The following GPR17 variants were observed in gnomAD, a reference collection of about 807,000 sequenced individuals.
GPR17 encodes uracil nucleotide/cysteinyl leukotriene receptor.
Under a neutral mutation model 1.5 loss-of-function variants are expected in GPR17, and 4 were observed. The ratio of observed to expected loss-of-function variants is 2.73; its 90% CI spans 1.35 to 6.25. The LOEUF is 6.25. Among genes scored for constraint, GPR17 ranks in the 30% most tolerant of loss-of-function variants. The probability of loss-of-function intolerance (pLI) is 0.00; values close to 1 mark genes in which losing one functional copy is unlikely to be tolerated. For missense variants in GPR17, 463 were observed against 462.1 expected, an observed-to-expected ratio of 1.00 and a Z score of -0.02; for synonymous variants, 209 against 207.6, an observed-to-expected ratio of 1.01 and a Z score of -0.06.
Position 127,651,228 on chromosome 2 carries a change from C to T in GPR17, c.493C>T (p.Pro165Ser). 1 of 1,607,984 alleles carries T rather than the reference C, an allele frequency of 6.2e-7. No individual in the cohort carries two copies. The highest frequency in any genetic ancestry group is 8.5e-7 in the Non-Finnish European group (1 of 1,179,386). Reference protein sequence around the residue: ...LWVVVAVAMAPLLVSPQTVQT... With the variant: ...LWVVVAVAMASLLVSPQTVQT... ...GGTGGTGGTGGCTGTGGCCATGGCC[C>T]CGCTGCTGGTGAGCCCACAGACCGT... Residue 165 changes from proline to serine, a missense_variant, in exon 2 of 2, where the codon CCG becomes TCG. Pro to Ser is a moderately conservative substitution (Grantham distance 74). Transcript: ENST00000486700.
chr2:127,649,078 G>GAAAAGAAA (rs201484540), intron 1 of GPR17, among the ~76,000 whole-genome samples: 19,669 of 107,826 alleles, frequency 0.18, 1,875 homozygotes, highest in South Asian at 0.26. Flanking sequence ...GAAGGAAAAA[G>GAAAAGAAA]AAAAGAAAAA....
Position 127,647,964 on chromosome 2 carries a change from GC to G in GPR17, c.-21+1725del, listed in dbSNP as rs1162443139. On this transcript the variant is annotated intron_variant, in intron 1 of 1. Coordinates refer to ENST00000486700, the MANE Select transcript of GPR17 (RefSeq NM_001161417.2). The surrounding 1 kb of genome is among the most constrained non-coding windows in gnomAD (Gnocchi z 4.3). ...TCCCTCCTTTTACCTCTCCTCCACA[GC>G]CCCCTTCACAGCCCTCAGCCCTTCC... 1 of 945,338 alleles carries G rather than the reference GC, an allele frequency of 1.1e-6. No individual in the cohort carries two copies. The highest frequency in any genetic ancestry group is 1.3e-6 in the Non-Finnish European group (1 of 793,472). 58.6% of individuals were successfully genotyped at this position (945,338 alleles called of 1,614,324 possible).
rs1033829419 is a variant in GPR17 at position 127,647,016 on chromosome 2, C to T, written c.-21+772C>T. On this transcript the variant is annotated intron_variant, in intron 1 of 1. Transcript: ENST00000486700. This position sits in a 1 kb window ranked among gnomAD's most constrained non-coding sequence, Gnocchi z 4.3. ...AGAGAGCGAGGGGCACGCCCTTCGG[C>T]CCGGGCAGGAAGTGGAGGGCAGTGC... Among the ~76,000 whole-genome samples the T allele has an allele frequency of 3.3e-5, 5 of 152,118 alleles. No individual in the cohort carries two copies. The highest frequency in any genetic ancestry group is 1.2e-4 in the African/African-American group (5 of 41,422).
chr2:127,650,192 A>C, intron 1 of GPR17: 1 of 911,468 alleles, frequency 1.1e-6, no homozygotes, highest in Non-Finnish European at 1.7e-6. Flanking sequence ...AAGCGGTGAC[A>C]CCCCGGCCAC....
chr2:127,650,757 C>G lies in GPR17; in HGVS notation c.22C>G (p.Pro8Ala), dbSNP rs1258110865. 1 of 1,612,486 alleles carries G rather than the reference C, an allele frequency of 6.2e-7. No homozygotes were observed. The highest frequency in any genetic ancestry group is 1.1e-5 in the South Asian group (1 of 91,036). Residue 8 changes from proline to alanine, a missense_variant, in exon 2 of 2, where the codon CCC becomes GCC. Coordinates refer to ENST00000486700, the MANE Select transcript of GPR17 (RefSeq NM_001161417.2). MNGLEVA[P>A]PGLITNFSLA... ...AAGCATGAATGGCCTTGAAGTGGCTCCCCCAGGTCTGATCACCAACTTCTC... is the reference window on the plus strand; with the variant it reads ...AAGCATGAATGGCCTTGAAGTGGCTGCCCCAGGTCTGATCACCAACTTCTC...
rs1683119250 is a variant in GPR17, at chr2:127,647,482, C to T, written c.-21+1238C>T. On this transcript the variant is annotated intron_variant, in intron 1 of 1. Coordinates refer to ENST00000486700, the MANE Select transcript of GPR17 (RefSeq NM_001161417.2). This position sits in a 1 kb window ranked among gnomAD's most constrained non-coding sequence, Gnocchi z 4.3. ...TGAGCCAGCACAGGCAGGCCCCCAC[C>T]ATGCCAGGCAGAGTGGTCAGTCGTA... Among the ~76,000 whole-genome samples the T allele has an allele frequency of 6.6e-6, 1 of 152,196 alleles. No individual in the cohort carries two copies. Among genetic ancestry groups the T allele is most frequent in the Admixed American group, 6.5e-5 (1 of 15,286 alleles).
chr2:127,650,081 T>C, intron 1 of GPR17: 1 of 1,600,708 alleles, frequency 6.2e-7, no homozygotes, highest in Non-Finnish European at 8.5e-7. Flanking sequence ...CTCAGGTGGG[T>C]AAAAAGAGTA....
chr2:127,651,318 G>C lies in GPR17; in HGVS notation c.583G>C (p.Val195Leu). The C allele has an allele frequency of 6.2e-7, 1 of 1,610,394 alleles. No individual in the cohort carries two copies. The highest frequency in any genetic ancestry group is 8.5e-7 in the Non-Finnish European group (1 of 1,180,018). Residue 195 changes from valine to leucine, a missense_variant, in exon 2 of 2, where the codon GTG becomes CTG. Val to Leu is a conservative substitution (Grantham distance 32). Transcript: ENST00000486700. The stretch of plus-strand genomic sequence containing the variant: ...GGAGAAGGCCTCCCACCATGCCCTG[G>C]TGTCCCTGGCAGTGGCCTTCACCTT... ...YREKASHHAL[V>L]SLAVAFTFPF...
In GPR17 at chr2:127,652,038, C is replaced by A; in HGVS notation, c.*283C>A. 2.1e-6 allele frequency: 1 copy of A among 470,552 alleles called. No individual in the cohort carries two copies. The highest frequency in any genetic ancestry group is 3.9e-6 in the Non-Finnish European group (1 of 256,670). 29.1% of individuals were successfully genotyped at this position (470,552 alleles called of 1,614,324 possible). ...AGAGAGGAGGCCGGAAGAACAACCC[C>A]TGAACAATGGAGGCCTTTCTTTCCC... On this transcript the variant is annotated 3_prime_UTR_variant, in exon 2 of 2. Transcript: ENST00000486700.
chr2:127,649,653 A>C (rs1459502892), intron 1 of GPR17, among the ~76,000 whole-genome samples: 1 of 152,168 alleles, frequency 6.6e-6, no homozygotes, highest in Non-Finnish European at 1.5e-5. Flanking sequence ...TCCTTCTTCA[A>C]TCTTCTGAGT....
intron 1 of GPR17, chr2:127,649,828 G>A (rs1573788244): frequency 1.7e-6 from 1 of 597,034 alleles, no homozygotes; most frequent in Admixed American, 3.0e-5. Flanking sequence ...GGCCTCTCTG[G>A]GGCTGCAGAT....
chr2:127,651,052 T>A lies in GPR17; in HGVS notation c.317T>A (p.Leu106His). 1 of 1,613,752 alleles carries A rather than the reference T, an allele frequency of 6.2e-7. No individual in the cohort carries two copies. Among genetic ancestry groups the A allele is most frequent in the Non-Finnish European group, 8.5e-7 (1 of 1,180,036 alleles). ...CCATTTGGGGAAATCGCATGCCGTC[T>A]CACCGGCTTCCTCTTCTACCTCAAC... ...HWPFGEIACR[L>H]TGFLFYLNMY... is the part of the protein sequence containing the mutation. The change falls in exon 2 of 2, where the codon CTC becomes CAC. Residue 106 changes from leucine to histidine, a missense_variant. Physicochemically the swap from Leu to His is moderately conservative, Grantham distance 99 (BLOSUM62 -3). Transcript: ENST00000486700.
chr2:127,647,940 C>T lies in GPR17; in HGVS notation c.-21+1696C>T, dbSNP rs924122999. 5.9e-6 allele frequency: 5 copies of T among 848,884 alleles called. No homozygotes were observed. The African/African-American group carries it at 9.1e-5, about 16-fold the overall frequency. The allele number at this position is 848,884 out of a possible 1,614,324, so 52.6% of individuals were successfully genotyped here. A position where few individuals can be genotyped will look rare whatever the true frequency, so the allele number is the denominator to read the frequency against. ...AGGCCCTGTCAAGGGCTGTGTTCCT[C>T]CCTCCTTTTACCTCTCCTCCACAGC... On this transcript the variant is annotated intron_variant, in intron 1 of 1. Transcript: ENST00000486700. The surrounding 1 kb of genome is among the most constrained non-coding windows in gnomAD (Gnocchi z 4.3).
At chr2:127,648,099 G>A (rs1558876295) in intron 1 of GPR17, 4 of 985,552 alleles carry the variant, frequency 4.1e-6, no homozygotes, top group Admixed American at 6.1e-5. Context: ...TAGGGAAAGT[G>A]CCAGCCGAGA....
At chr2:127,646,911 C>T (rs577587422) in intron 1 of GPR17, among the ~76,000 whole-genome samples, 3 of 152,340 alleles carry the variant, frequency 2.0e-5, no homozygotes, top group Non-Finnish European at 2.9e-5. Context: ...ACTCCTCAAA[C>T]GGGGGACAGA....
chr2:127,651,856 T>C lies in GPR17; in HGVS notation c.*101T>C. The C allele has an allele frequency of 1.8e-6, 2 of 1,118,186 alleles. No individual in the cohort carries two copies. The highest frequency in any genetic ancestry group is 1.6e-5 in the African/African-American group (1 of 64,428). The allele number at this position is 1,118,186 out of a possible 1,614,324, so 69.3% of individuals were successfully genotyped here. A position where few individuals can be genotyped will look rare whatever the true frequency, so the allele number is the denominator to read the frequency against. ...CCAGCCACCTCCCCAGCAAGCAACC[T>C]GAAATCTCAGCAGATGCCCACCATT... On this transcript the variant is annotated 3_prime_UTR_variant, in exon 2 of 2. Transcript: ENST00000486700.
Position 127,651,203 on chromosome 2 carries a change from G to A in GPR17, c.468G>A (p.Trp156Ter). The A allele has an allele frequency of 1.2e-6, 2 of 1,610,562 alleles. No individual in the cohort carries two copies. The highest frequency in any genetic ancestry group is 1.7e-5 in the Admixed American group (1 of 59,998). ...CACACCTGGCCTGTGCCTTCCTGTGGGTGGTGGTGGCTGTGGCCATGGCCC... is the reference window on the plus strand; with the variant it reads ...CACACCTGGCCTGTGCCTTCCTGTGAGTGGTGGTGGCTGTGGCCATGGCCC... The part of the protein sequence containing the change: ...LYAHLACAFL[W>*]VVVAVAMAPL... Residue 156 changes from tryptophan (W) to a stop codon, truncating the protein, a stop_gained, in exon 2 of 2, where the codon TGG (tryptophan) becomes TGA (stop). Coordinates refer to ENST00000486700, the MANE Select transcript of GPR17 (RefSeq NM_001161417.2). LOFTEE classifies it low-confidence loss of function (END_TRUNC).
At chr2:127,649,841 GTCC>G (rs1313002631) in intron 1 of GPR17, 4 of 621,600 alleles carry the variant, frequency 6.4e-6, no homozygotes, top group Non-Finnish European at 2.8e-6. Flanking sequence ...CTGCAGATCC[GTCC>G]TCAACAGCGC....
At position 127,651,695 on chromosome 2, in the gene GPR17, G is replaced by A. The variant is rs375979218; in HGVS notation, c.960G>A (p.Pro320=). 85 of 1,613,060 alleles carry A rather than the reference G, an allele frequency of 5.3e-5. No homozygotes were observed. The highest frequency in any genetic ancestry group is 4.4e-4 in the South Asian group (40 of 91,088). ...TCTGTGGCAAAAGGCTCAAGGGCCC[G>A]CCCCCCAGCTTCGAAGGGAAAACCA... is the stretch of plus-strand genomic sequence containing the variant. ...NLLCGKRLKG[P]PPSFEGKTNE... The change falls in exon 2 of 2, where the codon CCG becomes CCA. Residue 320 remains proline (P), a synonymous_variant. Coordinates refer to ENST00000486700, the MANE Select transcript of GPR17 (RefSeq NM_001161417.2).
Sources: allele counts gnomAD v4.1 joint callset (sites outside exome capture counted in the v4.1 genomes callset), GRCh38; gene constraint gnomAD v4.1.1; non-coding constraint Gnocchi (gnomAD v3.1); transcripts MANE v1.5; gene names NCBI Gene and HGNC (gene_info 2026-07-23, HGNC 2026-07-21).